PRTG: variants seen among roughly 807,000 people sequenced by gnomAD.
PRTG encodes the protein immunoglobulin superfamily, DCC subclass, member 5.
A neutral mutation model predicts 122.5 loss-of-function variants in PRTG; 67 were observed. The ratio of observed to expected loss-of-function variants is 0.55; its 90% CI spans 0.45 to 0.67. The LOEUF is 0.67. Ranked by LOEUF, PRTG falls within the 30% of genes least tolerant of loss-of-function variation. PRTG has a pLI of 0.00. For missense variants in PRTG, 1,435 were observed against 1,415.4 expected (o/e 1.01, Z -0.22); for synonymous variants, 554 against 501.1 (o/e 1.11, Z -1.41).
At chr15:55,625,145 C>A (rs1048982306) in intron 17 of PRTG, among the ~76,000 whole-genome samples, 4 of 150,716 alleles carry the variant, frequency 2.7e-5, no homozygotes, top group Non-Finnish European at 4.4e-5. Flanking sequence ...TTTTTTAATT[C>A]AAAAAAATAG....
chr15:55,650,182 A>G (rs1490844141), intron 11 of PRTG, among the ~76,000 whole-genome samples: 1 of 152,190 alleles, frequency 6.6e-6, no homozygotes, highest in Non-Finnish European at 1.5e-5. Flanking sequence ...ACGATTAGAA[A>G]GCTGACACGT....
At position 55,638,604 on chromosome 15, in the gene PRTG, C is replaced by T. The variant is rs2059271228; in HGVS notation, c.2397G>A (p.Val799=). The T allele has an allele frequency of 4.3e-6, 7 of 1,613,434 alleles. No individual in the cohort carries two copies. The South Asian group carries it at 7.7e-5, about 18-fold the overall frequency. ...GGCTCCAAGGACTGGAAAGCTGATC[C>T]ACATGTAATCGAACGGCAAATTCGT... The part of the protein sequence containing the change: ...TKYEFAVRLH[V]DQLSSPWSPV... Residue 799 remains valine (V), a synonymous_variant, in exon 14 of 20, where the codon GTG becomes GTA. Transcript: ENST00000389286.
Position 55,619,606 on chromosome 15 carries a change from C to G in PRTG, c.*406G>C. The G allele has an allele frequency of 5.7e-6, 1 of 175,412 alleles. No homozygotes were observed. The highest frequency in any genetic ancestry group is 1.2e-5 in the Non-Finnish European group (1 of 82,058). The allele number at this position is 175,412 out of a possible 1,614,324, so 10.9% of individuals were successfully genotyped here. A position where few individuals can be genotyped will look rare whatever the true frequency, so the allele number is the denominator to read the frequency against. ...CGGGAGGCAAACTGAGGTAGATAGT[C>G]AGCAAAGGGGCTTTCAAAAGTCTTC... is the stretch of plus-strand genomic sequence containing the variant. On this transcript the variant is annotated 3_prime_UTR_variant, in exon 20 of 20. Transcript: ENST00000389286.
In PRTG at chr15:55,628,836, G is replaced by A; in HGVS notation, c.2792C>T (p.Ser931Phe). ...AGTATACAGACCTTTGGCATCAGCA[G>A]AATCTAAACGCTTGGGCCTCTGATT... is the stretch of plus-strand genomic sequence containing the variant. ...ESNQRPKRLD[S>F]ADAKVYSGYY... The change falls in exon 16 of 20, where the codon TCT becomes TTT. Residue 931 changes from serine to phenylalanine, a missense_variant. Ser to Phe is a radical substitution (Grantham distance 155). Transcript: ENST00000389286. 6.2e-7 allele frequency: 1 copy of A among 1,612,898 alleles called. No individual in the cohort carries two copies. Among genetic ancestry groups the A allele is most frequent in the Admixed American group, 1.7e-5 (1 of 59,902 alleles).
In PRTG at chr15:55,673,662, G is replaced by A. The variant is rs1170657490; in HGVS notation, c.1561C>T (p.Pro521Ser). ...CTTCGACTTGTCAAACTAATTTCAG[G>A]AGGTCTCAGGGGAACTAGTCATAGA... ...NTLEDVPLRP[P>S]EISLTSRSPT... is the part of the protein sequence containing the mutation. Residue 521 changes from proline (P) to serine (S), a missense_variant, in exon 10 of 20, where the codon CCT (proline) becomes TCT (serine). Coordinates refer to ENST00000389286, the MANE Select transcript of PRTG (RefSeq NM_173814.6). 2 of 1,613,664 alleles carry A rather than the reference G, an allele frequency of 1.2e-6. No homozygotes were observed. The highest frequency in any genetic ancestry group is 1.7e-6 in the Non-Finnish European group (2 of 1,179,570).
chr15:55,674,529 T>A (rs1005420627), intron 9 of PRTG, among the ~76,000 whole-genome samples: 2 of 152,174 alleles, frequency 1.3e-5, no homozygotes, highest in East Asian at 3.8e-4. Context: ...AGAGATGTCA[T>A]ATATACTGTA....
intron 2 of PRTG, among the ~76,000 whole-genome samples, chr15:55,693,302 C>G (rs548334254): frequency 2.0e-5 from 3 of 152,084 alleles, no homozygotes; most frequent in Non-Finnish European, 2.9e-5. Context: ...ACTAAAAACA[C>G]GAAATCAGCC....
At chr15:55,635,323 C>T (rs1403295446) in intron 15 of PRTG, among the ~76,000 whole-genome samples, 10 of 152,076 alleles carry the variant, frequency 6.6e-5, no homozygotes, top group Admixed American at 6.5e-4. Context: ...AACTTCTGAC[C>T]TCGTGATCCG....
intron 18 of PRTG, among the ~76,000 whole-genome samples, chr15:55,623,444 G>A (rs1211755250): frequency 6.6e-6 from 1 of 152,176 alleles, no homozygotes; most frequent in Non-Finnish European, 1.5e-5. Context: ...GCGCACGCCT[G>A]TAATCCCGGC....
chr15:55,708,660 G>C (rs531001121), intron 2 of PRTG, among the ~76,000 whole-genome samples: 4 of 152,070 alleles, frequency 2.6e-5, no homozygotes, highest in African/African-American at 7.2e-5. Flanking sequence ...AATCACTGCT[G>C]TACTAATCAT....
rs376840029 is a variant in PRTG, at chr15:55,647,946, A to G, written c.2042-6738T>C. Among the ~76,000 whole-genome samples the G allele has an allele frequency of 1.3e-4, 20 of 152,284 alleles. No individual in the cohort carries two copies. In the East Asian group the frequency reaches 3.7e-3, roughly 28 times the overall value. ...TTGGCTTGCGTATACTATTGAAACA[A>G]CTGTGTTTTGTGTTTGTGGCCACTA... On this transcript the variant is annotated intron_variant, in intron 11 of 19. Coordinates refer to ENST00000389286, the MANE Select transcript of PRTG (RefSeq NM_173814.6).
chr15:55,626,664 A>C (rs2059196729), intron 17 of PRTG, among the ~76,000 whole-genome samples: 1 of 151,694 alleles, frequency 6.6e-6, no homozygotes, highest in Non-Finnish European at 1.5e-5. Context: ...AGACTGAGGC[A>C]GGAGAATGGC....
intron 2 of PRTG, among the ~76,000 whole-genome samples, chr15:55,690,309 G>T (rs1295597437): frequency 6.6e-6 from 1 of 152,182 alleles, no homozygotes. Flanking sequence ...TATGCATTCA[G>T]TGTCTAGTAT....
chr15:55,685,044 C>A (rs2059562587), intron 2 of PRTG, among the ~76,000 whole-genome samples: 1 of 152,150 alleles, frequency 6.6e-6, no homozygotes, highest in Admixed American at 6.5e-5. Flanking sequence ...CTTCCTTCTA[C>A]TAAGTCTTCC....
chr15:55,691,882 T>C (rs1429285810), intron 2 of PRTG, among the ~76,000 whole-genome samples: 1 of 150,410 alleles, frequency 6.6e-6, no homozygotes. Flanking sequence ...AAAAAAGTTT[T>C]AAAAATTAGC....
chr15:55,682,939 TA>T (rs2059549083), intron 3 of PRTG, among the ~76,000 whole-genome samples: 1 of 152,200 alleles, frequency 6.6e-6, no homozygotes, highest in Admixed American at 6.5e-5. Flanking sequence ...AGCAATACTT[TA>T]AAGACCTTTT....
intron 16 of PRTG, among the ~76,000 whole-genome samples, 191 bp from the exon 17 acceptor site, chr15:55,627,319 T>C (rs1348226634): frequency 6.7e-6 from 1 of 148,322 alleles, no homozygotes; most frequent in Non-Finnish European, 1.5e-5. Context: ...TCTCTTCCAA[T>C]ATTAAAGTTT....
intron 13 of PRTG, 33 bp from the exon 14 acceptor site, chr15:55,638,709 G>A (rs1327769078): frequency 6.3e-7 from 1 of 1,593,784 alleles, no homozygotes; most frequent in Non-Finnish European, 8.6e-7. Flanking sequence ...TGTTAATGCT[G>A]GTAGTATAAT....
chr15:55,695,757 T>G (rs576025474), intron 2 of PRTG, among the ~76,000 whole-genome samples: 1 of 152,170 alleles, frequency 6.6e-6, no homozygotes, highest in African/African-American at 2.4e-5. Flanking sequence ...GACAGGCAGA[T>G]CACTTGAGCT....
Sources: gnomAD v4.1 joint callset for allele counts (sites outside exome capture counted in the v4.1 genomes callset) on GRCh38, gnomAD v4.1.1 for gene constraint, MANE v1.5 for transcripts, NCBI Gene and HGNC (gene_info 2026-07-23, HGNC 2026-07-21) for gene names.